Variants in FHIT observed in about 807,000 individuals in gnomAD.
The protein encoded by FHIT is fragile histidine triad diadenosine triphosphatase, also known as bis(5'-adenosyl)-triphosphatase.
A neutral mutation model predicts 17.9 loss-of-function variants in FHIT; 19 were observed. The ratio of observed to expected loss-of-function variants is 1.06; its 90% CI spans 0.74 to 1.56. FHIT has a LOEUF of 1.56. Ranked by LOEUF, FHIT falls within the 40% of genes most tolerant of loss-of-function variation. The pLI, the probability that FHIT is intolerant of heterozygous loss-of-function variation, is 0.00. For missense variants in FHIT, 248 were observed against 189.2 expected (o/e 1.31, Z -1.82); for synonymous variants, 81 against 69.7 (o/e 1.16, Z -0.81).
intron 5 of FHIT, among the ~76,000 whole-genome samples, chr3:60,465,243 T>C (rs555322906): frequency 5.2e-4 from 73 of 140,708 alleles, no homozygotes; most frequent in South Asian, 5.2e-3. Flanking sequence ...TATGGAATTG[T>C]TTGAGCTCCT....
chr3:60,989,344 C>G (rs1338480612), intron 3 of FHIT, among the ~76,000 whole-genome samples: 1 of 151,258 alleles, frequency 6.6e-6, no homozygotes, highest in Non-Finnish European at 1.5e-5. Context: ...TTTGGAGAGA[C>G]AGGGGTCTTG....
intron 3 of FHIT, among the ~76,000 whole-genome samples, chr3:61,038,394 C>T (rs1337568086): frequency 1.3e-5 from 2 of 152,156 alleles, no homozygotes; most frequent in African/African-American, 4.8e-5. Flanking sequence ...ACAAAAGATC[C>T]TGCTTCTATA....
chr3:59,959,057 G>C (rs114789861), intron 7 of FHIT, among the ~76,000 whole-genome samples: 1 of 152,256 alleles, frequency 6.6e-6, no homozygotes, highest in African/African-American at 2.4e-5. Context: ...ATGACCTCCA[G>C]GGTCCTCTCC....
intron 4 of FHIT, among the ~76,000 whole-genome samples, chr3:60,642,948 T>C (rs1483318436): frequency 2.6e-5 from 4 of 152,192 alleles, no homozygotes; most frequent in African/African-American, 7.2e-5. Context: ...AGACATACTG[T>C]CATAGCATCT....
intron 5 of FHIT, among the ~76,000 whole-genome samples, chr3:60,118,603 G>A (rs985268141): frequency 1.3e-4 from 20 of 151,944 alleles, no homozygotes; most frequent in African/African-American, 3.6e-4. Flanking sequence ...AAAGTGACTC[G>A]CCCAAGGTCA....
At chr3:61,192,050 C>T (rs919754587) in intron 2 of FHIT, among the ~76,000 whole-genome samples, 1 of 152,050 alleles carries the variant, frequency 6.6e-6, no homozygotes, top group South Asian at 2.1e-4. Flanking sequence ...TTTTATTTTG[C>T]CAGTGGATGT....
intron 8 of FHIT, among the ~76,000 whole-genome samples, chr3:59,791,563 AG>A (rs1699562081): frequency 6.6e-6 from 1 of 152,154 alleles, no homozygotes; most frequent in South Asian, 2.1e-4. Flanking sequence ...AAGGCTCTTA[AG>A]GCAGGTTGAG....
intron 5 of FHIT, among the ~76,000 whole-genome samples, chr3:60,479,936 T>C (rs1322673624): frequency 6.6e-6 from 1 of 152,190 alleles, no homozygotes; most frequent in African/African-American, 2.4e-5. Flanking sequence ...TGACGTAAAG[T>C]ACATAATACT....
intron 2 of FHIT, among the ~76,000 whole-genome samples, chr3:61,061,244 T>A (rs972515071): frequency 6.6e-6 from 1 of 152,186 alleles, no homozygotes; most frequent in African/African-American, 2.4e-5. Context: ...TCTCCCAATC[T>A]GCTAGTTTCA....
intron 7 of FHIT, among the ~76,000 whole-genome samples, chr3:59,925,873 T>C (rs1705635030): frequency 6.6e-6 from 1 of 152,136 alleles, no homozygotes; most frequent in African/African-American, 2.4e-5. Context: ...TGTGAAAAAA[T>C]ACCATCACTA....
chr3:59,941,864 T>C (rs1167366486), intron 7 of FHIT, among the ~76,000 whole-genome samples: 1 of 152,178 alleles, frequency 6.6e-6, no homozygotes, highest in Non-Finnish European at 1.5e-5. Context: ...GGGCTGAGGA[T>C]GAAGTGGGTT....
chr3:60,170,983 G>A (rs544703079), intron 5 of FHIT, among the ~76,000 whole-genome samples: 1 of 152,196 alleles, frequency 6.6e-6, no homozygotes, highest in South Asian at 2.1e-4. Context: ...AACTTATTGG[G>A]GAGAACTGGA....
At chr3:60,163,297 T>G (rs1701019139) in intron 5 of FHIT, among the ~76,000 whole-genome samples, 1 of 152,112 alleles carries the variant, frequency 6.6e-6, no homozygotes, top group Non-Finnish European at 1.5e-5. Flanking sequence ...TGCTACTATG[T>G]CACCTCCAAA....
intron 2 of FHIT, among the ~76,000 whole-genome samples, chr3:61,159,681 G>A (rs971760389): frequency 6.6e-6 from 1 of 152,168 alleles, no homozygotes; most frequent in African/African-American, 2.4e-5. Context: ...GATTTCTTCT[G>A]TCTATAATAT....
chr3:61,161,951 G>T (rs1464096604), intron 2 of FHIT, among the ~76,000 whole-genome samples: 2 of 152,162 alleles, frequency 1.3e-5, no homozygotes, highest in Non-Finnish European at 2.9e-5. Context: ...GTTTACAAGA[G>T]AAAAAACGGG....
intron 3 of FHIT, among the ~76,000 whole-genome samples, chr3:61,003,833 AAAG>A (rs2031263902): frequency 1.3e-5 from 2 of 152,392 alleles, no homozygotes; most frequent in South Asian, 4.1e-4. Flanking sequence ...AGCAGATGCT[AAAG>A]AAGAGAAATC....
intron 8 of FHIT, among the ~76,000 whole-genome samples, chr3:59,871,489 C>T (rs111275591): frequency 6.6e-6 from 1 of 152,124 alleles, no homozygotes; most frequent in African/African-American, 2.4e-5. Context: ...ACCACCTCCA[C>T]CCCATTTTTC....
intron 5 of FHIT, among the ~76,000 whole-genome samples, chr3:60,321,633 C>T (rs192924466): frequency 6.6e-6 from 1 of 152,210 alleles, no homozygotes; most frequent in African/African-American, 2.4e-5. Flanking sequence ...ATCTGAGGAT[C>T]TCCTCTCTCT....
intron 8 of FHIT, among the ~76,000 whole-genome samples, chr3:59,773,717 G>A (rs929776727): frequency 6.6e-6 from 1 of 152,230 alleles, no homozygotes; most frequent in South Asian, 2.1e-4. Flanking sequence ...GGTGTGGACT[G>A]CAGACCAACA....
Sources: gnomAD v4.1 joint callset for allele counts (sites outside exome capture counted in the v4.1 genomes callset) on GRCh38, gnomAD v4.1.1 for gene constraint, MANE v1.5 for transcripts, NCBI Gene and HGNC (gene_info 2026-07-23, HGNC 2026-07-21) for gene names.